The following SPECC1L variants were observed in gnomAD, a reference collection of about 807,000 sequenced individuals.
SPECC1L encodes sperm antigen with calponin homology and coiled-coil domains 1 like.
In SPECC1L, 40 loss-of-function variants were observed where a neutral mutation model predicts 116.8. That is an observed-to-expected ratio of 0.34 (90% CI 0.27 to 0.45). The LOEUF is 0.45. SPECC1L is among the 20% of genes least tolerant of loss of function. SPECC1L has a pLI of 1.00. For synonymous variants in SPECC1L, 504 were observed against 500.6 expected, an observed-to-expected ratio of 1.01 and a Z score of -0.09; for missense variants, 1,110 against 1,373.6, an observed-to-expected ratio of 0.81 and a Z score of 3.03.
chr22:24,333,389 A>G (rs1340122542), intron 8 of SPECC1L, among the ~76,000 whole-genome samples: 1 of 152,208 alleles, frequency 6.6e-6, no homozygotes, highest in Non-Finnish European at 1.5e-5. Context: ...GTTATATGAC[A>G]TATACAAACT....
At chr22:24,350,671 A>G (rs943282729) in intron 11 of SPECC1L, among the ~76,000 whole-genome samples, 8 of 152,252 alleles carry the variant, frequency 5.3e-5, no homozygotes, top group East Asian at 1.9e-4. Context: ...AAAAAGCTCT[A>G]TGTGTTGAAG....
chr22:24,330,708 CCAG>C (rs1291483092), intron 8 of SPECC1L, among the ~76,000 whole-genome samples: 20 of 152,272 alleles, frequency 1.3e-4, no homozygotes, highest in African/African-American at 4.8e-4. Context: ...GACCCACAGT[CCAG>C]CCCTGTTAAT....
intron 2 of SPECC1L, among the ~76,000 whole-genome samples, chr22:24,284,957 A>G (rs949422046): frequency 1.3e-5 from 2 of 152,210 alleles, no homozygotes; most frequent in Non-Finnish European, 2.9e-5. Flanking sequence ...GGGACAATCA[A>G]AGGAAAAGTA....
At chr22:24,364,274 A>G (rs1007273177) in intron 12 of SPECC1L, among the ~76,000 whole-genome samples, 2 of 152,318 alleles carry the variant, frequency 1.3e-5, no homozygotes, top group African/African-American at 4.8e-5. Flanking sequence ...ACTATGCCAG[A>G]CTTCAGAATA....
chr22:24,375,188 T>C (rs1475964221), intron 14 of SPECC1L, among the ~76,000 whole-genome samples: 1 of 152,142 alleles, frequency 6.6e-6, no homozygotes, highest in East Asian at 1.9e-4. Context: ...GTAATCAAAA[T>C]ACTTCCAGCA....
intron 8 of SPECC1L, among the ~76,000 whole-genome samples, chr22:24,331,793 C>T (rs8140263): frequency 0.034 from 5,116 of 152,066 alleles, 177 homozygotes; most frequent in African/African-American, 0.082. Flanking sequence ...ATAAATTGCA[C>T]TCATAGTCAT....
At chr22:24,276,537 G>C (rs1471945715) in intron 1 of SPECC1L, among the ~76,000 whole-genome samples, 163 bp from the exon 2 acceptor site, 3 of 152,258 alleles carry the variant, frequency 2.0e-5, no homozygotes, top group Non-Finnish European at 2.9e-5. Context: ...GGAGGCTGAA[G>C]TGGGAGAATC....
chr22:24,332,193 A>G (rs1358268825), intron 8 of SPECC1L, among the ~76,000 whole-genome samples: 1 of 152,254 alleles, frequency 6.6e-6, no homozygotes, highest in Non-Finnish European at 1.5e-5. Flanking sequence ...ATTCGTTGCC[A>G]GTGATAAAAT....
chr22:24,374,339 A>G (rs922338314), intron 14 of SPECC1L, among the ~76,000 whole-genome samples: 1 of 152,128 alleles, frequency 6.6e-6, no homozygotes, highest in Non-Finnish European at 1.5e-5. Flanking sequence ...TTATTGCAGC[A>G]CTATTCACAA....
chr22:24,302,601 A>C lies in SPECC1L; in HGVS notation c.153+217A>C, dbSNP rs1252236838. On this transcript the variant is annotated intron_variant, in intron 3 of 16. Transcript: ENST00000314328. ...ACAATAGGCTTGTTCATGAAACAAT[A>C]ATTGAGCACCTGCCTTGTGCAGGAT... is the stretch of plus-strand genomic sequence containing the variant. Among the ~76,000 whole-genome samples, 3 of 152,154 alleles carry C rather than the reference A, an allele frequency of 2.0e-5. No homozygotes were observed. In the East Asian group the frequency reaches 5.8e-4, roughly 29 times the overall value.
At chr22:24,284,574 A>G (rs899003232) in intron 2 of SPECC1L, among the ~76,000 whole-genome samples, 5 of 152,030 alleles carry the variant, frequency 3.3e-5, no homozygotes, top group East Asian at 1.9e-4. Context: ...AGCTGGGACT[A>G]CAGGCACCCA....
At position 24,302,198 on chromosome 22, in the gene SPECC1L, T is replaced by A; in HGVS notation, c.-34T>A. Reference sequence around the variant, plus strand: ...TAATGCCATTTTTTTCCCACAGATTTGCTTGTAAATGCATCACGAAGAGGC... The same window carrying A: ...TAATGCCATTTTTTTCCCACAGATTAGCTTGTAAATGCATCACGAAGAGGC... On this transcript the variant is annotated 5_prime_UTR_variant, in exon 3 of 17. Coordinates refer to ENST00000314328, the MANE Select transcript of SPECC1L (RefSeq NM_015330.6). The A allele has an allele frequency of 1.2e-6, 2 of 1,613,282 alleles. No individual in the cohort carries two copies. Among genetic ancestry groups the A allele is most frequent in the Admixed American group, 3.3e-5 (2 of 59,922 alleles).
chr22:24,387,641 C>G (rs2042185991), intron 14 of SPECC1L, among the ~76,000 whole-genome samples: 1 of 152,028 alleles, frequency 6.6e-6, no homozygotes, highest in African/African-American at 2.4e-5. Flanking sequence ...TCATTTATTC[C>G]AGATGATTTA....
chr22:24,316,728 T>C (rs1217834277), intron 4 of SPECC1L, among the ~76,000 whole-genome samples: 180 of 141,334 alleles, frequency 1.3e-3, no homozygotes, highest in East Asian at 3.0e-3. Flanking sequence ...TTTCCCCACC[T>C]TTCCCCCCTT....
intron 2 of SPECC1L, among the ~76,000 whole-genome samples, chr22:24,281,597 A>T (rs1375366618): frequency 6.6e-6 from 1 of 152,190 alleles, no homozygotes; most frequent in Non-Finnish European, 1.5e-5. Flanking sequence ...ACTTCCCATT[A>T]TTCATTGCTA....
intron 10 of SPECC1L, 80 bp downstream of exon 10, chr22:24,338,557 C>G: frequency 3.9e-6 from 5 of 1,267,862 alleles, no homozygotes; most frequent in Non-Finnish European, 5.8e-6. Context: ...TCATTTACAC[C>G]TGTATTAGTT....
chr22:24,384,323 C>T (rs535292042), intron 14 of SPECC1L, among the ~76,000 whole-genome samples: 37 of 152,074 alleles, frequency 2.4e-4, no homozygotes, highest in Non-Finnish European at 2.5e-4. Context: ...GGATTTGTCA[C>T]CAGCAGGCCC....
chr22:24,367,438 A>T (rs1569437799), intron 13 of SPECC1L, among the ~76,000 whole-genome samples: 1 of 150,434 alleles, frequency 6.6e-6, no homozygotes, highest in Non-Finnish European at 1.5e-5. Flanking sequence ...TTTTTTTGCA[A>T]TTTTTTTTTA....
chr22:24,326,273 C>A (rs1462501354), intron 6 of SPECC1L, among the ~76,000 whole-genome samples: 2 of 152,210 alleles, frequency 1.3e-5, no homozygotes, highest in Admixed American at 1.3e-4. Context: ...TAAATTGATA[C>A]AATGTAAATG....
Sources: gnomAD v4.1 joint callset for allele counts (sites outside exome capture counted in the v4.1 genomes callset) on GRCh38, gnomAD v4.1.1 for gene constraint, MANE v1.5 for transcripts, NCBI Gene and HGNC (gene_info 2026-07-23, HGNC 2026-07-21) for gene names.